FRMPD2: variants seen among roughly 807,000 people sequenced by gnomAD.
The protein encoded by FRMPD2 is FERM and PDZ domain containing 2, also known as FERM and PDZ domain-containing protein 2.
Under a neutral mutation model 140.1 loss-of-function variants are expected in FRMPD2, and 96 were observed. The observed-to-expected ratio is 0.69, with a 90% CI of 0.58 to 0.81. The LOEUF is 0.81. FRMPD2 is among the 40% of genes least tolerant of loss of function. The probability of loss-of-function intolerance (pLI) is 0.00; values close to 1 mark genes in which losing one functional copy is unlikely to be tolerated. For synonymous variants in FRMPD2, 449 were observed against 547.6 expected (o/e 0.82, Z 2.52); for missense variants, 1,240 against 1,447.4 (o/e 0.86, Z 2.32).
intron 8 of FRMPD2, 27 bp from the exon 9 acceptor site, chr10:48,236,580 G>A: frequency 1.9e-6 from 3 of 1,608,804 alleles, no homozygotes; most frequent in Non-Finnish European, 2.6e-6. Flanking sequence ...ACATATGGTA[G>A]AGAAGACAAC....
intron 12 of FRMPD2, among the ~76,000 whole-genome samples, chr10:48,217,193 G>A (rs1360525736): frequency 6.6e-6 from 1 of 152,208 alleles, no homozygotes; most frequent in Non-Finnish European, 1.5e-5. Context: ...CAGTCCGGGA[G>A]TTTCAACTCC....
At chr10:48,220,091 A>G (rs1032005731) in intron 12 of FRMPD2, among the ~76,000 whole-genome samples, 8 of 152,232 alleles carry the variant, frequency 5.3e-5, no homozygotes, top group African/African-American at 1.9e-4. Context: ...TGCCAGGTAC[A>G]TAGTGATCTT....
At chr10:48,254,045 C>T (rs896594339) in intron 1 of FRMPD2, among the ~76,000 whole-genome samples, 7 of 151,290 alleles carry the variant, frequency 4.6e-5, no homozygotes, top group Non-Finnish European at 1.0e-4. Context: ...CAGGAAATTA[C>T]TCATCACCCT....
At chr10:48,213,888 G>A (rs533996614) in intron 12 of FRMPD2, among the ~76,000 whole-genome samples, 3 of 152,290 alleles carry the variant, frequency 2.0e-5, no homozygotes, top group African/African-American at 7.2e-5. Context: ...TTGAAAGTTG[G>A]TTATACAAAT....
At chr10:48,192,550 G>T in intron 16 of FRMPD2, 134 bp downstream of exon 16, 2 of 769,974 alleles carry the variant, frequency 2.6e-6, no homozygotes, top group South Asian at 1.8e-5. Context: ...TCACGCCACT[G>T]CACTCCTCCA....
chr10:48,222,422 A>C lies in FRMPD2; in HGVS notation c.1346T>G (p.Leu449Arg). The C allele has an allele frequency of 1.2e-6, 2 of 1,614,144 alleles. No individual in the cohort carries two copies. Among genetic ancestry groups the C allele is most frequent in the South Asian group, 1.1e-5 (1 of 91,078 alleles). ...QHSLTRHQFY[L>R]QLRKDILEER... is the part of the protein sequence containing the mutation. The stretch of plus-strand genomic sequence containing the variant: ...CTCCAGGATATCTTTCCGAAGCTGC[A>C]GGTAAAACTGGTGCCTTGTCAGGCT... The change falls in exon 12 of 29, where the codon CTG becomes CGG. Residue 449 changes from leucine (L) to arginine (R), a missense_variant. By Grantham distance (102) the Leu-to-Arg change is moderately radical. Coordinates refer to ENST00000374201, the MANE Select transcript of FRMPD2 (RefSeq NM_001018071.4).
chr10:48,185,531 C>T, intron 18 of FRMPD2, 22 bp downstream of exon 18: 5 of 1,577,918 alleles, frequency 3.2e-6, no homozygotes, highest in Non-Finnish European at 4.4e-6. Context: ...GACTGGGCCT[C>T]ACCTACAGGG....
chr10:48,237,077 A>G (rs1170458575), intron 8 of FRMPD2, among the ~76,000 whole-genome samples: 1 of 151,646 alleles, frequency 6.6e-6, no homozygotes, highest in Non-Finnish European at 1.5e-5. Context: ...TGTGGGGTGC[A>G]TATTCTCAAC....
At chr10:48,244,673 G>T (rs1840203029) in intron 4 of FRMPD2, 111 bp downstream of exon 4, 1 of 789,568 alleles carries the variant, frequency 1.3e-6, no homozygotes, top group Non-Finnish European at 2.2e-6. Flanking sequence ...CCTAGAGGAC[G>T]GGAGAGTGGC....
chr10:48,175,066 A>G, intron 23 of FRMPD2, 111 bp from the exon 24 acceptor site: 1 of 543,878 alleles, frequency 1.8e-6, no homozygotes, highest in Non-Finnish European at 3.0e-6. Context: ...GAAGTGGGAA[A>G]GGAAGCTGAG....
intron 13 of FRMPD2, among the ~76,000 whole-genome samples, chr10:48,211,717 A>G (rs1839327088): frequency 6.6e-6 from 1 of 152,054 alleles, no homozygotes; most frequent in African/African-American, 2.4e-5. Flanking sequence ...AAAAATAAGG[A>G]AAAGCCCTAC....
intron 1 of FRMPD2, among the ~76,000 whole-genome samples, chr10:48,264,356 A>G (rs1297423893): frequency 3.3e-5 from 5 of 152,138 alleles, no homozygotes; most frequent in Admixed American, 1.3e-4. Flanking sequence ...CCGAGATGAT[A>G]TGATTGTCCA....
chr10:48,221,601 A>G (rs988718520), intron 12 of FRMPD2, among the ~76,000 whole-genome samples: 1 of 152,254 alleles, frequency 6.6e-6, no homozygotes, highest in African/African-American at 2.4e-5. Context: ...GAATAAATTA[A>G]TATAAATAAA....
intron 26 of FRMPD2, among the ~76,000 whole-genome samples, chr10:48,170,501 A>C (rs1838211602): frequency 6.6e-6 from 1 of 151,850 alleles, no homozygotes; most frequent in Non-Finnish European, 1.5e-5. Context: ...ACCTTTATTA[A>C]ATGTTCCTCA....
chr10:48,237,690 T>C (rs1840000281), intron 8 of FRMPD2, among the ~76,000 whole-genome samples: 1 of 152,086 alleles, frequency 6.6e-6, no homozygotes, highest in African/African-American at 2.4e-5. Context: ...AGTTCTCGAA[T>C]CATGTAGCAC....
intron 2 of FRMPD2, among the ~76,000 whole-genome samples, 168 bp downstream of exon 2, chr10:48,251,398 C>A (rs1256329095): frequency 6.6e-6 from 1 of 152,220 alleles, no homozygotes; most frequent in Non-Finnish European, 1.5e-5. Context: ...AGGTGCTATT[C>A]TTCTACTCAT....
chr10:48,253,565 G>T (rs763014695), intron 1 of FRMPD2, among the ~76,000 whole-genome samples: 30 of 152,052 alleles, frequency 2.0e-4, no homozygotes, highest in Admixed American at 2.0e-4. Context: ...TACTTGGAGG[G>T]GAGACTGTCA....
rs775477130 is a variant in FRMPD2, at chr10:48,251,697, A to G, written c.26-6T>C. On this transcript the variant is annotated splice_region_variant and splice_polypyrimidine_tract_variant and intron_variant, in intron 1 of 28. Coordinates refer to ENST00000374201, the MANE Select transcript of FRMPD2 (RefSeq NM_001018071.4). ...CACAGAGGACAGGCTCATGCCTACA[A>G]TAAAGACATGCATGTGACAGGGCCT... The G allele has an allele frequency of 6.2e-7, 1 of 1,614,062 alleles. No homozygotes were observed.
chr10:48,247,163 G>A (rs997032153), intron 3 of FRMPD2, among the ~76,000 whole-genome samples: 6 of 152,248 alleles, frequency 3.9e-5, no homozygotes, highest in Non-Finnish European at 8.8e-5. Flanking sequence ...CTGGAGGAAA[G>A]TGTGCAGGAG....
Sources: allele counts gnomAD v4.1 joint callset (sites outside exome capture counted in the v4.1 genomes callset), GRCh38; gene constraint gnomAD v4.1.1; transcripts MANE v1.5; gene names NCBI Gene and HGNC (gene_info 2026-07-23, HGNC 2026-07-21).